Variants in YPEL1 observed in about 807,000 individuals in gnomAD.
YPEL1 encodes the protein protein yippee-like 1.
YPEL1 carries 7 observed loss-of-function variants against 17.3 expected under a neutral mutation model. The observed-to-expected ratio is 0.40, with a 90% CI of 0.23 to 0.76. The LOEUF (loss-of-function observed/expected upper bound fraction) is 0.76, where lower values mean the gene tolerates loss of function less well. Among genes scored for constraint, YPEL1 ranks in the 30% least tolerant of loss-of-function variants. The probability of loss-of-function intolerance (pLI) is 0.35; values close to 1 mark genes in which losing one functional copy is unlikely to be tolerated. For missense variants in YPEL1, 91 were observed against 155.5 expected, an observed-to-expected ratio of 0.59 and a Z score of 2.21; for synonymous variants, 59 against 59.6, an observed-to-expected ratio of 0.99 and a Z score of 0.05.
chr22:21,704,021 C>G (rs570215301), intron 2 of YPEL1, 139 bp from the exon 3 acceptor site: 6 of 904,182 alleles, frequency 6.6e-6, no homozygotes, highest in South Asian at 2.8e-5. Flanking sequence ...CGGCGTCCCC[C>G]CTCCAGAACT....
chr22:21,727,384 A>C (rs1489552846), intron 1 of YPEL1, among the ~76,000 whole-genome samples: 1 of 152,234 alleles, frequency 6.6e-6, no homozygotes, highest in Non-Finnish European at 1.5e-5. Flanking sequence ...ATTGGCAAAT[A>C]AGGAACCACC....
chr22:21,727,076 G>A (rs1473346567), intron 1 of YPEL1, among the ~76,000 whole-genome samples: 2 of 151,822 alleles, frequency 1.3e-5, no homozygotes, highest in Non-Finnish European at 2.9e-5. Flanking sequence ...CTTACCTGAA[G>A]AGCCTGCTGC....
intron 1 of YPEL1, among the ~76,000 whole-genome samples, chr22:21,725,475 T>C (rs147579772): frequency 0.027 from 4,076 of 151,714 alleles, 165 homozygotes; most frequent in African/African-American, 0.093. Flanking sequence ...ATTATCCGCC[T>C]GCCTCGGCCT....
intron 1 of YPEL1, among the ~76,000 whole-genome samples, chr22:21,717,088 G>A (rs968413112): frequency 3.3e-5 from 5 of 151,934 alleles, no homozygotes; most frequent in African/African-American, 9.7e-5. Context: ...GCGAGAGGCC[G>A]GGCGCGCTGG....
At chr22:21,702,696 A>G (rs1346475568) in intron 4 of YPEL1, among the ~76,000 whole-genome samples, 3 of 152,028 alleles carry the variant, frequency 2.0e-5, no homozygotes, top group East Asian at 1.9e-4. Flanking sequence ...GGTCAAAACC[A>G]TGGAATCTCA....
chr22:21,712,193 C>T (rs565421103), intron 1 of YPEL1, among the ~76,000 whole-genome samples: 1 of 151,956 alleles, frequency 6.6e-6, no homozygotes, highest in South Asian at 2.1e-4. Flanking sequence ...TAAATAAAAA[C>T]TTTTGTGCTT....
chr22:21,706,299 C>T (rs1323750224), intron 2 of YPEL1, among the ~76,000 whole-genome samples: 2 of 142,566 alleles, frequency 1.4e-5, no homozygotes, highest in Non-Finnish European at 3.0e-5. Flanking sequence ...CATGGTGGTG[C>T]GTGCCTATAA....
chr22:21,718,140 A>C (rs1478212243), intron 1 of YPEL1, among the ~76,000 whole-genome samples: 5 of 150,498 alleles, frequency 3.3e-5, no homozygotes, highest in African/African-American at 9.8e-5. Context: ...AAAAAAAAAA[A>C]AAACAAAAAC....
At position 21,700,810 on chromosome 22, in the gene YPEL1, A is replaced by G. The variant is rs1292948812; in HGVS notation, c.*319T>C. 9.7e-6 allele frequency: 2 copies of G among 206,060 alleles called. No homozygotes were observed. Among genetic ancestry groups the G allele is most frequent in the Non-Finnish European group, 1.9e-5 (2 of 102,640 alleles). The allele number at this position is 206,060 out of a possible 1,614,324, so 12.8% of individuals were successfully genotyped here. On this transcript the variant is annotated 3_prime_UTR_variant, in exon 5 of 5. Transcript: ENST00000339468. Reference sequence around the variant, plus strand: ...TTTCAACTGAACCTTAAAAAAGCAGAGCCCAACTATATTGAAGACAAAGGT... The same window carrying G: ...TTTCAACTGAACCTTAAAAAAGCAGGGCCCAACTATATTGAAGACAAAGGT...
chr22:21,728,864 C>T lies in YPEL1; in HGVS notation c.-165+6751G>A, dbSNP rs1056742318. Among the ~76,000 whole-genome samples, 3 of 152,196 alleles carry T rather than the reference C, an allele frequency of 2.0e-5. No individual in the cohort carries two copies. In the East Asian group the frequency reaches 5.8e-4, roughly 29 times the overall value. The stretch of plus-strand genomic sequence containing the variant: ...GTCTCTACAAAAAAATACAAAAGCC[C>T]AGGCACACTGGCTCACGCCTGTAAT... On this transcript the variant is annotated intron_variant, in intron 1 of 4. Transcript: ENST00000339468.
chr22:21,705,610 A>G (rs2068107667), intron 2 of YPEL1, among the ~76,000 whole-genome samples: 1 of 152,228 alleles, frequency 6.6e-6, no homozygotes. Context: ...TATAGGACCC[A>G]GCAGTCCCAC....
chr22:21,718,497 G>C (rs34662523), intron 1 of YPEL1, among the ~76,000 whole-genome samples: 3 of 151,436 alleles, frequency 2.0e-5, no homozygotes, highest in Non-Finnish European at 2.9e-5. Flanking sequence ...ATAAATAAAA[G>C]AAAAAAGACT....
At chr22:21,713,090 T>A (rs1040503961) in intron 1 of YPEL1, among the ~76,000 whole-genome samples, 9 of 152,148 alleles carry the variant, frequency 5.9e-5, no homozygotes, top group African/African-American at 2.2e-4. Flanking sequence ...GGACGGCTAC[T>A]ATCAACGCGC....
At chr22:21,731,324 C>A in intron 1 of YPEL1, among the ~76,000 whole-genome samples, 1 of 140,948 alleles carries the variant, frequency 7.1e-6, no homozygotes, top group Non-Finnish European at 1.5e-5. Context: ...AGAGTGAGAC[C>A]CTGTGTCAAA....
chr22:21,708,889 G>T (rs1045181643), intron 2 of YPEL1, among the ~76,000 whole-genome samples: 1 of 151,548 alleles, frequency 6.6e-6, no homozygotes, highest in African/African-American at 2.4e-5. Context: ...GGCTGGTCTG[G>T]TCTCAAACTC....
chr22:21,718,241 A>G (rs2068247159), intron 1 of YPEL1, among the ~76,000 whole-genome samples: 1 of 151,916 alleles, frequency 6.6e-6, no homozygotes, highest in Non-Finnish European at 1.5e-5. Flanking sequence ...AGGCGGGTGG[A>G]TCATGAGGTC....
At position 21,703,900 on chromosome 22, in the gene YPEL1, C is replaced by A; in HGVS notation, c.118-18G>T. On this transcript the variant is annotated intron_variant, in intron 2 of 4. Coordinates refer to ENST00000339468, the MANE Select transcript of YPEL1 (RefSeq NM_013313.5). This position sits in a 1 kb window ranked among gnomAD's most constrained non-coding sequence, Gnocchi z 6.1. Reference sequence around the variant, plus strand: ...TGAAAGGACTGAAAGAAGAAGGTCCCGTGAGATTGGCTGCGAGTGCTTTCT... The same window carrying A: ...TGAAAGGACTGAAAGAAGAAGGTCCAGTGAGATTGGCTGCGAGTGCTTTCT... The A allele has an allele frequency of 1.3e-6, 2 of 1,587,194 alleles. No individual in the cohort carries two copies. The highest frequency in any genetic ancestry group is 2.3e-5 in the East Asian group (1 of 42,910).
At chr22:21,718,851 G>A (rs1050378466) in intron 1 of YPEL1, among the ~76,000 whole-genome samples, 4 of 152,064 alleles carry the variant, frequency 2.6e-5, no homozygotes, top group Admixed American at 1.3e-4. Context: ...TTATGTTAAA[G>A]AATTTCTGAA....
chr22:21,732,707 G>C (rs1252742032), intron 1 of YPEL1, among the ~76,000 whole-genome samples: 1 of 151,396 alleles, frequency 6.6e-6, no homozygotes, highest in African/African-American at 2.4e-5. Flanking sequence ...GCTTGAACCC[G>C]GGAGGCGGAG....
Sources: gnomAD v4.1 joint callset for allele counts (sites outside exome capture counted in the v4.1 genomes callset) on GRCh38, gnomAD v4.1.1 for gene constraint, Gnocchi (gnomAD v3.1) non-coding constraint, MANE v1.5 for transcripts, NCBI Gene and HGNC (gene_info 2026-07-23, HGNC 2026-07-21) for gene names.